Variants in ENOX1 observed in about 807,000 individuals in gnomAD.
ENOX1 encodes the protein ecto-NOX disulfide-thiol exchanger 1.
Under a neutral mutation model 82.5 loss-of-function variants are expected in ENOX1, and 42 were observed. The ratio of observed to expected loss-of-function variants is 0.51; its 90% CI spans 0.40 to 0.66. The LOEUF is 0.66. Among genes scored for constraint, ENOX1 ranks in the 30% least tolerant of loss-of-function variants. The pLI is 0.00. For synonymous variants in ENOX1, 271 were observed against 282.2 expected (o/e 0.96, Z 0.40); for missense variants, 608 against 811.6 (o/e 0.75, Z 3.05).
intron 2 of ENOX1, among the ~76,000 whole-genome samples, chr13:43,614,694 C>T (rs909775257): frequency 3.3e-5 from 5 of 152,218 alleles, no homozygotes; most frequent in South Asian, 2.1e-4. Context: ...CCAGCAGCCC[C>T]TAAGAGCCAC....
At chr13:43,559,131 G>A (rs922107901) in intron 2 of ENOX1, among the ~76,000 whole-genome samples, 2 of 152,158 alleles carry the variant, frequency 1.3e-5, no homozygotes, top group African/African-American at 4.8e-5. Context: ...CATCTGGCCT[G>A]CTGGCAAGTC....
intron 2 of ENOX1, among the ~76,000 whole-genome samples, chr13:43,568,989 G>A (rs1172381952): frequency 2.0e-5 from 3 of 152,124 alleles, no homozygotes; most frequent in Non-Finnish European, 4.4e-5. Context: ...TGCAGCATGT[G>A]TAGGTAATCA....
chr13:43,771,195 G>A (rs1951577552), intron 1 of ENOX1, among the ~76,000 whole-genome samples: 1 of 152,196 alleles, frequency 6.6e-6, no homozygotes. Flanking sequence ...CGGGAGGGCA[G>A]AGGCATAGAC....
intron 11 of ENOX1, among the ~76,000 whole-genome samples, chr13:43,313,605 T>G (rs997733107): frequency 2.0e-5 from 3 of 152,178 alleles, no homozygotes; most frequent in Non-Finnish European, 4.4e-5. Flanking sequence ...AAAAATCACT[T>G]GTAATTACAC....
chr13:43,681,685 A>AC, intron 1 of ENOX1, among the ~76,000 whole-genome samples: 1 of 118,086 alleles, frequency 8.5e-6, no homozygotes, highest in Non-Finnish European at 1.7e-5. Flanking sequence ...CATAATGCAT[A>AC]AACACACACA....
intron 1 of ENOX1, among the ~76,000 whole-genome samples, chr13:43,712,107 A>T (rs1192358403): frequency 6.6e-6 from 1 of 151,298 alleles, no homozygotes; most frequent in Non-Finnish European, 1.5e-5. Context: ...TATAAGGTGT[A>T]AGGAAGGGAT....
chr13:43,247,826 AAC>A (rs2043156922), intron 14 of ENOX1, among the ~76,000 whole-genome samples: 1 of 69,606 alleles, frequency 1.4e-5, no homozygotes, highest in African/African-American at 5.2e-5. Context: ...ACACAGATGC[AAC>A]ATATATATAT....
intron 5 of ENOX1, among the ~76,000 whole-genome samples, chr13:43,396,749 C>T (rs906804229): frequency 1.3e-5 from 2 of 152,168 alleles, no homozygotes; most frequent in Non-Finnish European, 2.9e-5. Context: ...TTGCTTTATT[C>T]CTTCCAGATA....
chr13:43,229,306 G>A (rs532448023), intron 15 of ENOX1, among the ~76,000 whole-genome samples: 39 of 152,324 alleles, frequency 2.6e-4, no homozygotes, highest in East Asian at 5.8e-4. Context: ...CTAATACAGC[G>A]ATTACGTGAA....
chr13:43,536,608 A>G (rs2078471619), intron 2 of ENOX1, among the ~76,000 whole-genome samples: 1 of 152,174 alleles, frequency 6.6e-6, no homozygotes, highest in Non-Finnish European at 1.5e-5. Context: ...TAAGAAAAAT[A>G]TACATTCCAA....
intron 3 of ENOX1, among the ~76,000 whole-genome samples, chr13:43,460,824 AAAAAAATAG>A (rs2057448145): frequency 5.1e-5 from 1 of 19,700 alleles, no homozygotes; most frequent in African/African-American, 1.5e-4. Context: ...AAAAAAAAAA[AAAAAAATAG>A]GGATAGCTCT....
intron 12 of ENOX1, among the ~76,000 whole-genome samples, chr13:43,290,018 G>A (rs1326113339): frequency 2.6e-5 from 4 of 151,942 alleles, no homozygotes; most frequent in South Asian, 2.1e-4. Flanking sequence ...GCAAAACCAC[G>A]AAGAGATACC....
At chr13:43,240,025 T>G (rs2042739534) in intron 14 of ENOX1, among the ~76,000 whole-genome samples, 1 of 152,020 alleles carries the variant, frequency 6.6e-6, no homozygotes, top group Admixed American at 6.6e-5. Context: ...CCTCTCTCTT[T>G]GTTTTTATTT....
At chr13:43,619,707 G>A (rs2082640627) in intron 2 of ENOX1, among the ~76,000 whole-genome samples, 1 of 152,064 alleles carries the variant, frequency 6.6e-6, no homozygotes, top group Non-Finnish European at 1.5e-5. Context: ...TCGGTCTGTA[G>A]TTTTCTTTTT....
chr13:43,292,155 A>T (rs979214240), intron 12 of ENOX1, among the ~76,000 whole-genome samples: 1 of 152,222 alleles, frequency 6.6e-6, no homozygotes, highest in Non-Finnish European at 1.5e-5. Flanking sequence ...ATGATTCAGG[A>T]ACCACAAAGA....
intron 2 of ENOX1, among the ~76,000 whole-genome samples, chr13:43,656,468 C>T (rs564427494): frequency 6.6e-6 from 1 of 152,180 alleles, no homozygotes; most frequent in Non-Finnish European, 1.5e-5. Context: ...AGACATGTCA[C>T]AGGCTTCATC....
chr13:43,765,836 T>C (rs947035479), intron 1 of ENOX1, among the ~76,000 whole-genome samples: 1 of 152,214 alleles, frequency 6.6e-6, no homozygotes, highest in Non-Finnish European at 1.5e-5. Flanking sequence ...TAGGTAATGA[T>C]TATAATAAAG....
At chr13:43,577,131 T>A (rs1194594135) in intron 2 of ENOX1, among the ~76,000 whole-genome samples, 3 of 147,976 alleles carry the variant, frequency 2.0e-5, no homozygotes, top group South Asian at 2.1e-4. Context: ...TAAAAATATT[T>A]TTTTTTTTCT....
At chr13:43,703,531 T>C (rs1458819533) in intron 1 of ENOX1, among the ~76,000 whole-genome samples, 1 of 152,202 alleles carries the variant, frequency 6.6e-6, no homozygotes, top group Non-Finnish European at 1.5e-5. Context: ...TATCTTCCTT[T>C]CTACTTCAGA....
Sources: allele counts gnomAD v4.1 joint callset (sites outside exome capture counted in the v4.1 genomes callset), GRCh38; gene constraint gnomAD v4.1.1; transcripts MANE v1.5; gene names NCBI Gene and HGNC (gene_info 2026-07-23, HGNC 2026-07-21).